TRPM7: variants seen among roughly 807,000 people sequenced by gnomAD.
TRPM7 encodes LTRPC ion channel family member 7.
Under a neutral mutation model 229.7 loss-of-function variants are expected in TRPM7, and 134 were observed. That is an observed-to-expected ratio of 0.58 (90% confidence interval 0.51 to 0.67). The LOEUF (loss-of-function observed/expected upper bound fraction) is 0.67. Among genes scored for constraint, TRPM7 ranks in the 30% least tolerant of loss-of-function variants. The pLI, the probability that TRPM7 is intolerant of heterozygous loss-of-function variation, is 0.00. For missense variants in TRPM7, 1,901 were observed against 2,210.0 expected (o/e 0.86, Z 2.80); for synonymous variants, 699 against 715.2 (o/e 0.98, Z 0.36).
chr15:50,607,832 A>G (rs2059958046), intron 19 of TRPM7, among the ~76,000 whole-genome samples: 1 of 148,668 alleles, frequency 6.7e-6, no homozygotes, highest in South Asian at 2.1e-4. Context: ...AGATCATCTG[A>G]GGTCAGGGGT....
At chr15:50,612,919 T>C in intron 15 of TRPM7, 90 bp from the exon 16 acceptor site, 1 of 1,154,988 alleles carries the variant, frequency 8.7e-7, no homozygotes, top group Non-Finnish European at 1.2e-6. Context: ...ATCTTTACAT[T>C]ATTCAGCTCC....
At chr15:50,569,703 T>C (rs976672814) in intron 38 of TRPM7, among the ~76,000 whole-genome samples, 184 bp downstream of exon 38, 1 of 152,202 alleles carries the variant, frequency 6.6e-6, no homozygotes, top group Non-Finnish European at 1.5e-5. Flanking sequence ...ATGAACTTTG[T>C]ATAAAGAAAG....
chr15:50,637,493 C>G lies in TRPM7; in HGVS notation c.761G>C (p.Gly254Ala). Residue 254 changes from glycine (G) to alanine (A), a missense_variant, in exon 7 of 39, where the codon GGA (glycine) becomes GCA (alanine). Physicochemically the swap from Gly to Ala is moderately conservative, Grantham distance 60. This residue lies in a region of TRPM7 where 794 missense variants were observed against 881.9 expected (regional missense o/e 0.90). Transcript: ENST00000646667. ...HFILVDDGTV[G>A]KYGAEVRLRR... ...CAGTCTGACTTCCGCCCCATACTTTCCAACAGTGCCATCATCCACCAATAT... is the reference window on the plus strand; with the variant it reads ...CAGTCTGACTTCCGCCCCATACTTTGCAACAGTGCCATCATCCACCAATAT... 5 of 1,614,110 alleles carry G rather than the reference C, an allele frequency of 3.1e-6. No individual in the cohort carries two copies. Among genetic ancestry groups the G allele is most frequent in the Non-Finnish European group, 4.2e-6 (5 of 1,180,016 alleles).
intron 38 of TRPM7, among the ~76,000 whole-genome samples, chr15:50,566,821 T>G (rs1213947549): frequency 6.6e-6 from 1 of 151,766 alleles, no homozygotes; most frequent in Non-Finnish European, 1.5e-5. Flanking sequence ...ATAAATCAAA[T>G]AAATTGAAAA....
At chr15:50,677,481 C>G (rs548106761) in intron 1 of TRPM7, among the ~76,000 whole-genome samples, 1 of 152,154 alleles carries the variant, frequency 6.6e-6, no homozygotes, top group African/African-American at 2.4e-5. Context: ...TGGCTCACAC[C>G]TATAATCCCA....
At chr15:50,614,055 C>A in intron 14 of TRPM7, 68 bp downstream of exon 14, 1 of 1,431,824 alleles carries the variant, frequency 7.0e-7, no homozygotes, top group Non-Finnish European at 9.5e-7. Context: ...AATGTTAATT[C>A]TTAACAATTA....
Position 50,618,794 on chromosome 15 carries a change from A to C in TRPM7, c.1494+951T>G, listed in dbSNP as rs1273174714. Among the ~76,000 whole-genome samples the C allele has an allele frequency of 2.0e-5, 3 of 151,958 alleles. No homozygotes were observed. The East Asian group carries it at 5.8e-4, about 29-fold the overall frequency. ...CCCACCCAACCTCCCACCTTTTGTA[A>C]AGTCTCCAATGTCTATCATTCCACT... On this transcript the variant is annotated intron_variant, in intron 13 of 38. Transcript: ENST00000646667.
chr15:50,583,117 T>A lies in TRPM7; in HGVS notation c.4529A>T (p.Glu1510Val). ...SRRPSTEDTH[E>V]VDSKAALIPD... is the part of the protein sequence containing the mutation. Reference sequence around the variant, plus strand: ...TATTAAAGCTGCTTTGGAATCTACTTCATGAGTGTCTTCGGTAGATGGCCT... The same window carrying A: ...TATTAAAGCTGCTTTGGAATCTACTACATGAGTGTCTTCGGTAGATGGCCT... The change falls in exon 29 of 39, where the codon GAA (glutamate) becomes GTA (valine). Residue 1510 changes from glutamate to valine, a missense_variant. Glu to Val is a moderately radical substitution (Grantham distance 121, BLOSUM62 -2). Around this residue, in one of 8 missense-constraint regions of TRPM7, gnomAD observed 533 missense variants for 497.1 expected, o/e 1.07. Transcript: ENST00000646667. 1 of 1,608,466 alleles carries A rather than the reference T, an allele frequency of 6.2e-7. No individual in the cohort carries two copies.
chr15:50,608,403 G>A (rs1037110876), intron 19 of TRPM7, among the ~76,000 whole-genome samples: 13 of 150,038 alleles, frequency 8.7e-5, no homozygotes, highest in African/African-American at 3.2e-4. Flanking sequence ...ACCAGTCCTA[G>A]AATAAGTCAC....
chr15:50,657,913 T>G (rs112932258), intron 2 of TRPM7, 94 bp from the exon 3 acceptor site: 9 of 889,120 alleles, frequency 1.0e-5, no homozygotes, highest in Non-Finnish European at 1.6e-5. Flanking sequence ...ACAAAAAAAA[T>G]TATATACCTA....
At position 50,560,519 on chromosome 15, in the gene TRPM7, C is replaced by T. The variant is rs1211710943; in HGVS notation, c.*1159G>A. On this transcript the variant is annotated 3_prime_UTR_variant, in exon 39 of 39. Coordinates refer to ENST00000646667, the MANE Select transcript of TRPM7 (RefSeq NM_017672.6). ...TCCAAATAAAAATTAAAATTAGTAC[C>T]AAGGAAACAAAAGAAAAAGAAAAAA... 6.8e-6 allele frequency: 1 copy of T among 146,522 alleles called. No homozygotes were observed. Among genetic ancestry groups the T allele is most frequent in the South Asian group, 2.2e-4 (1 of 4,550 alleles). The allele number at this position is 146,522 out of a possible 1,614,324, so 9.1% of individuals were successfully genotyped here. A position where few individuals can be genotyped will look rare whatever the true frequency, so the allele number is the denominator to read the frequency against.
chr15:50,611,510 A>G (rs139936140), intron 16 of TRPM7, among the ~76,000 whole-genome samples, 189 bp from the exon 17 acceptor site: 86 of 152,340 alleles, frequency 5.6e-4, no homozygotes, highest in African/African-American at 2.0e-3. Flanking sequence ...ATATTAAAAT[A>G]TGTCGCATTA....
chr15:50,622,847 C>T (rs1440533231), intron 12 of TRPM7, among the ~76,000 whole-genome samples: 1 of 152,062 alleles, frequency 6.6e-6, no homozygotes, highest in Non-Finnish European at 1.5e-5. Flanking sequence ...GATCGTGCCA[C>T]TGCGCTCCAG....
chr15:50,624,402 C>T, intron 11 of TRPM7, 102 bp from the exon 12 acceptor site: 1 of 1,053,880 alleles, frequency 9.5e-7, no homozygotes, highest in Non-Finnish European at 1.3e-6. Context: ...TTGTTCCCAA[C>T]AGTTTTAGAA....
In TRPM7 at chr15:50,607,336, AAAAGT is replaced by A. The variant is rs1257600560; in HGVS notation, c.2581-13_2581-9del. ...AAATCCTAAATATGCCAACTAATGA[AAAAGT>A]AAAGGTTACATAAATAACATTGGTT... On this transcript the variant is annotated splice_polypyrimidine_tract_variant and intron_variant, in intron 19 of 38. Coordinates refer to ENST00000646667, the MANE Select transcript of TRPM7 (RefSeq NM_017672.6). The A allele has an allele frequency of 1.3e-6, 2 of 1,558,092 alleles. No homozygotes were observed. The highest frequency in any genetic ancestry group is 1.7e-6 in the Non-Finnish European group (2 of 1,155,186).
rs140217538 is a variant in TRPM7, at chr15:50,569,251, A to G, written c.5467+636T>C. Among the ~76,000 whole-genome samples the G allele has an allele frequency of 2.9e-3, 435 of 152,206 alleles. 3 individuals are homozygous for G. Among genetic ancestry groups the G allele is most frequent in the African/African-American group, 0.01 (425 of 41,546 alleles). On this transcript the variant is annotated intron_variant, in intron 38 of 38. Coordinates refer to ENST00000646667, the MANE Select transcript of TRPM7 (RefSeq NM_017672.6). Reference sequence around the variant, plus strand: ...GGGGACTATGATGCACATCAAAGAGAGACAACCACAGGTTTGTGCTTTAAC... The same window carrying G: ...GGGGACTATGATGCACATCAAAGAGGGACAACCACAGGTTTGTGCTTTAAC...
chr15:50,659,886 T>C (rs977370028), intron 2 of TRPM7, among the ~76,000 whole-genome samples: 6 of 152,188 alleles, frequency 3.9e-5, no homozygotes, highest in Admixed American at 3.3e-4. Context: ...CAGGCTGGTC[T>C]CGAACTCCTG....
At chr15:50,572,574 T>C (rs1347513792) in intron 36 of TRPM7, among the ~76,000 whole-genome samples, 1 of 152,254 alleles carries the variant, frequency 6.6e-6, no homozygotes, top group Non-Finnish European at 1.5e-5. Flanking sequence ...ATATGCTTTA[T>C]TGCAATATTT....
At chr15:50,662,290 G>T (rs1011295246) in intron 2 of TRPM7, among the ~76,000 whole-genome samples, 12 of 149,086 alleles carry the variant, frequency 8.0e-5, no homozygotes, top group African/African-American at 2.7e-4. Context: ...GAGGGAGCTT[G>T]TACTCCAGCC....
Sources: gnomAD v4.1 joint callset for allele counts (sites outside exome capture counted in the v4.1 genomes callset) on GRCh38, gnomAD v4.1.1 for gene constraint, gnomAD v4.1.1 regional missense constraint, MANE v1.5 for transcripts, NCBI Gene and HGNC (gene_info 2026-07-23, HGNC 2026-07-21) for gene names.